ADAM9: variants seen among roughly 807,000 people sequenced by gnomAD.
The protein encoded by ADAM9 is ADAM metallopeptidase domain 9.
ADAM9 carries 54 observed loss-of-function variants against 108.1 expected under a neutral mutation model. That is an observed-to-expected ratio of 0.50 (90% CI 0.40 to 0.63). The LOEUF (loss-of-function observed/expected upper bound fraction) is 0.63, where lower values mean the gene tolerates loss of function less well. Among genes scored for constraint, ADAM9 ranks in the 20% least tolerant of loss-of-function variants. The pLI is 0.00. For synonymous variants in ADAM9, 316 were observed against 336.0 expected, an observed-to-expected ratio of 0.94 and a Z score of 0.65; for missense variants, 830 against 997.7, an observed-to-expected ratio of 0.83 and a Z score of 2.26.
chr8:39,053,531 A>G (rs1446409812), intron 12 of ADAM9, among the ~76,000 whole-genome samples: 1 of 152,196 alleles, frequency 6.6e-6, no homozygotes, highest in Non-Finnish European at 1.5e-5. Flanking sequence ...AATGTTTATT[A>G]TGAAATAATT....
chr8:39,054,302 T>G (rs775884233), intron 12 of ADAM9, among the ~76,000 whole-genome samples, 179 bp from the exon 13 acceptor site: 17 of 152,156 alleles, frequency 1.1e-4, no homozygotes, highest in Non-Finnish European at 1.8e-4. Context: ...ATGTTGAGAC[T>G]TATACTTGCA....
At chr8:39,057,489 TG>T (rs1838163819) in intron 14 of ADAM9, among the ~76,000 whole-genome samples, 1 of 122,420 alleles carries the variant, frequency 8.2e-6, no homozygotes, top group South Asian at 2.5e-4. Flanking sequence ...ATATATGAAT[TG>T]GCTTGTGTGA....
chr8:39,069,247 T>TAA (rs552305990), intron 14 of ADAM9, among the ~76,000 whole-genome samples: 1 of 144,944 alleles, frequency 6.9e-6, no homozygotes, highest in African/African-American at 2.5e-5. Context: ...GTTTATGAAT[T>TAA]AAAAAAAAAA....
intron 12 of ADAM9, among the ~76,000 whole-genome samples, chr8:39,051,932 A>AACATACACACCTCATGTGTATATATACAG (rs1837971049): frequency 6.6e-6 from 1 of 152,144 alleles, no homozygotes; most frequent in East Asian, 1.9e-4. Flanking sequence ...TATATATACA[A>AACATACACACCTCATGTGTATATATACAG]ACATACACAC....
At chr8:39,079,288 G>A (rs1838945299) in intron 16 of ADAM9, among the ~76,000 whole-genome samples, 1 of 152,096 alleles carries the variant, frequency 6.6e-6, no homozygotes, top group Non-Finnish European at 1.5e-5. Context: ...TAATTTTTCT[G>A]TAGAGACAGG....
At chr8:39,045,288 G>T in intron 12 of ADAM9, among the ~76,000 whole-genome samples, 1 of 99,860 alleles carries the variant, frequency 1.0e-5, no homozygotes, top group Non-Finnish European at 2.1e-5. Flanking sequence ...ATGTATATGT[G>T]TGTGTACACC....
intron 11 of ADAM9, among the ~76,000 whole-genome samples, chr8:39,030,579 G>A (rs894953636): frequency 6.6e-6 from 1 of 152,216 alleles, no homozygotes; most frequent in African/African-American, 2.4e-5. Flanking sequence ...GGTTTTGTGT[G>A]ATCATGTTTT....
At chr8:39,021,077 A>G (rs1836724009) in intron 7 of ADAM9, among the ~76,000 whole-genome samples, 2 of 152,190 alleles carry the variant, frequency 1.3e-5, no homozygotes, top group South Asian at 4.1e-4. Flanking sequence ...ATTCGTTTTA[A>G]AGTTCTACTA....
intron 16 of ADAM9, among the ~76,000 whole-genome samples, chr8:39,081,568 G>A (rs569794469): frequency 6.6e-6 from 1 of 152,254 alleles, no homozygotes; most frequent in South Asian, 2.1e-4. Context: ...GGACACATGA[G>A]GAGTGACTTA....
At chr8:39,082,579 T>C in intron 16 of ADAM9, 62 bp from the exon 17 acceptor site, 1 of 1,337,370 alleles carries the variant, frequency 7.5e-7, no homozygotes, top group Non-Finnish European at 1.1e-6. Flanking sequence ...GTCTTTTTTC[T>C]GGGTACTTTT....
intron 14 of ADAM9, among the ~76,000 whole-genome samples, chr8:39,056,544 C>T (rs73602745): frequency 1.8e-3 from 273 of 152,198 alleles, no homozygotes; most frequent in African/African-American, 6.2e-3. Context: ...TTCATCCTCC[C>T]AATAGTTAGG....
chr8:39,098,771 C>A (rs962439363), intron 20 of ADAM9, among the ~76,000 whole-genome samples: 2 of 152,100 alleles, frequency 1.3e-5, no homozygotes, highest in Non-Finnish European at 2.9e-5. Context: ...TGCTGACTCT[C>A]GTGATGGCTC....
intron 1 of ADAM9, among the ~76,000 whole-genome samples, chr8:39,005,584 T>A (rs1410997804): frequency 1.3e-5 from 2 of 152,190 alleles, no homozygotes; most frequent in African/African-American, 2.4e-5. Context: ...TAGCCATCCC[T>A]CTTGTTTATT....
intron 15 of ADAM9, among the ~76,000 whole-genome samples, chr8:39,072,712 T>C (rs888900384): frequency 1.3e-5 from 2 of 152,224 alleles, no homozygotes; most frequent in Admixed American, 1.3e-4. Flanking sequence ...AGATCTCAGG[T>C]GAAGTGTGGT....
rs982932090 is a variant in ADAM9 at position 39,055,480 on chromosome 8, A to G, written c.1396-97A>G. The G allele has an allele frequency of 4.4e-5, 55 of 1,239,258 alleles. No homozygotes were observed. The Middle Eastern group carries it at 5.7e-4, about 13-fold the overall frequency. 76.8% of individuals were successfully genotyped at this position (1,239,258 alleles called of 1,614,324 possible). A position where few individuals can be genotyped will look rare whatever the true frequency, so the allele number is the denominator to read the frequency against. On this transcript the variant is annotated intron_variant, in intron 13 of 21. Coordinates refer to ENST00000487273, the MANE Select transcript of ADAM9 (RefSeq NM_003816.3). ...GGTTATTTAATCTTTTGCTATTGTT[A>G]GAATGCTTTATAGATGTAAATGCTG...
At chr8:39,083,514 A>T (rs1442924715) in intron 18 of ADAM9, among the ~76,000 whole-genome samples, 1 of 152,170 alleles carries the variant, frequency 6.6e-6, no homozygotes, top group Non-Finnish European at 1.5e-5. Context: ...TTGAAGACAT[A>T]TTGTAACTTC....
At chr8:39,097,323 T>C (rs1292441453) in intron 20 of ADAM9, among the ~76,000 whole-genome samples, 1 of 151,990 alleles carries the variant, frequency 6.6e-6, no homozygotes, top group East Asian at 1.9e-4. Context: ...TTTTTTTTTT[T>C]TGAGACAGAG....
intron 7 of ADAM9, among the ~76,000 whole-genome samples, chr8:39,019,252 C>CT (rs1836654186): frequency 1.3e-5 from 2 of 152,072 alleles, no homozygotes; most frequent in Admixed American, 1.3e-4. Flanking sequence ...GGCTGTGGCT[C>CT]TAAAAGGTTT....
At chr8:39,051,751 C>T (rs1300326426) in intron 12 of ADAM9, among the ~76,000 whole-genome samples, 3 of 152,114 alleles carry the variant, frequency 2.0e-5, no homozygotes, top group Non-Finnish European at 4.4e-5. Flanking sequence ...ATATCCTGGA[C>T]ATTTTTCTGT....
Sources: allele counts gnomAD v4.1 joint callset (sites outside exome capture counted in the v4.1 genomes callset), GRCh38; gene constraint gnomAD v4.1.1; transcripts MANE v1.5; gene names NCBI Gene and HGNC (gene_info 2026-07-23, HGNC 2026-07-21).